TSNARE1: variants seen among roughly 807,000 people sequenced by gnomAD.
The protein encoded by TSNARE1 is t-SNARE domain-containing protein 1.
A neutral mutation model predicts 62.0 loss-of-function variants in TSNARE1; 49 were observed. The observed-to-expected ratio is 0.79, with a 90% confidence interval of 0.63 to 1.00. TSNARE1 has a LOEUF of 1.00. Ranked by LOEUF, TSNARE1 falls within the 50% of genes least tolerant of loss-of-function variation. The pLI is 0.00. For synonymous variants in TSNARE1, 328 were observed against 294.4 expected (o/e 1.11, Z -1.17); for missense variants, 755 against 700.1 (o/e 1.08, Z -0.88).
In TSNARE1 at chr8:142,381,783, C is replaced by T. The variant is rs1043832538; in HGVS notation, c.-40+21321G>A. 8.5e-5 allele frequency among the ~76,000 whole-genome samples: 13 copies of T among 152,338 alleles called. No homozygotes were observed. The East Asian group carries it at 1.9e-3, about 23-fold the overall frequency. ...ACCTGGGCAAGCATCGTCACCTCCC[C>T]GCAGCTCGGCGTCCTGGGCCAGCCC... On this transcript the variant is annotated intron_variant, in intron 1 of 13. Coordinates refer to ENST00000524325, the MANE Select transcript of TSNARE1 (RefSeq NM_145003.5).
chr8:142,291,965 C>T lies in TSNARE1; in HGVS notation c.1291-7480G>A, dbSNP rs973674208. On this transcript the variant is annotated intron_variant, in intron 10 of 13. Coordinates refer to ENST00000524325, the MANE Select transcript of TSNARE1 (RefSeq NM_145003.5). This position sits in a 1 kb window ranked among gnomAD's most constrained non-coding sequence, Gnocchi z 4.8. ...TGGACGGTCACAGCAACGCACGCCCCCCCCGGCCCCCCACCTGTTTCAAGC... is the reference window on the plus strand; with the variant it reads ...TGGACGGTCACAGCAACGCACGCCCTCCCCGGCCCCCCACCTGTTTCAAGC... 1.3e-5 allele frequency among the ~76,000 whole-genome samples: 2 copies of T among 151,860 alleles called. No individual in the cohort carries two copies. The highest frequency in any genetic ancestry group is 2.4e-5 in the African/African-American group (1 of 41,332).
At chr8:142,321,196 G>A (rs1829432870) in intron 6 of TSNARE1, among the ~76,000 whole-genome samples, 2 of 152,266 alleles carry the variant, frequency 1.3e-5, no homozygotes, top group African/African-American at 4.8e-5. Context: ...CTACAGAGGG[G>A]CCACCTTCCA....
At chr8:142,327,236 C>G (rs1396226608) in intron 6 of TSNARE1, among the ~76,000 whole-genome samples, 1 of 152,260 alleles carries the variant, frequency 6.6e-6, no homozygotes, top group African/African-American at 2.4e-5. Context: ...GTGAATGGGT[C>G]TGTCCTTACA....
chr8:142,256,324 ACCATCTTTG>A, intron 12 of TSNARE1, among the ~76,000 whole-genome samples: 3 of 144,054 alleles, frequency 2.1e-5, no homozygotes, highest in Admixed American at 6.9e-5. Flanking sequence ...CACCACCATC[ACCATCTTTG>A]CCACCATCAT....
At chr8:142,230,302 G>A (rs774243268) in intron 12 of TSNARE1, among the ~76,000 whole-genome samples, 1 of 152,220 alleles carries the variant, frequency 6.6e-6, no homozygotes, top group Non-Finnish European at 1.5e-5. Context: ...GAAATGGTAA[G>A]TACCAAGTAT....
intron 10 of TSNARE1, among the ~76,000 whole-genome samples, chr8:142,292,268 G>A (rs765725533): frequency 2.0e-5 from 3 of 152,176 alleles, no homozygotes; most frequent in Non-Finnish European, 4.4e-5. Flanking sequence ...GCTTTGCCCC[G>A]TTGGAAGTTC....
intron 9 of TSNARE1, among the ~76,000 whole-genome samples, chr8:142,309,685 A>G (rs200707290): frequency 6.6e-6 from 1 of 152,212 alleles, no homozygotes; most frequent in Non-Finnish European, 1.5e-5. Flanking sequence ...GTCTATGTTC[A>G]TAACAGAGAC....
At chr8:142,276,522 A>G (rs1320176798) in intron 11 of TSNARE1, 1 of 985,462 alleles carries the variant, frequency 1.0e-6, no homozygotes. Flanking sequence ...GTGAATGTGG[A>G]CAGTGGAGAG....
rs748450158 is a variant in TSNARE1, at chr8:142,395,713, C to T, written c.-40+7391G>A. Among the ~76,000 whole-genome samples, 5 of 152,216 alleles carry T rather than the reference C, an allele frequency of 3.3e-5. No homozygotes were observed. In the South Asian group the frequency reaches 8.3e-4, roughly 25 times the overall value. On this transcript the variant is annotated intron_variant, in intron 1 of 13. Transcript: ENST00000524325. ...TCCCCACTTGCAATTCCGCCTCCTG[C>T]GCCCACTCCCAGCACACCACGCTCA... is the stretch of plus-strand genomic sequence containing the variant.
At chr8:142,273,750 G>A (rs570374059) in intron 12 of TSNARE1, 1 of 985,426 alleles carries the variant, frequency 1.0e-6, no homozygotes, top group East Asian at 1.1e-4. Context: ...GGCAGCCCTG[G>A]CCTTTCCCTC....
At chr8:142,274,340 T>C (rs931412616) in intron 12 of TSNARE1, 1 of 985,304 alleles carries the variant, frequency 1.0e-6, no homozygotes, top group African/African-American at 1.7e-5. Context: ...CAAGTCCCAC[T>C]TCAAGAAAAT....
intron 12 of TSNARE1, among the ~76,000 whole-genome samples, chr8:142,266,774 T>C (rs955970707): frequency 6.6e-6 from 1 of 152,206 alleles, no homozygotes; most frequent in Admixed American, 6.5e-5. Flanking sequence ...ACTGCTTTCC[T>C]CCATTTCACT....
chr8:142,339,133 A>G (rs1832179863), intron 4 of TSNARE1, among the ~76,000 whole-genome samples: 1 of 152,096 alleles, frequency 6.6e-6, no homozygotes, highest in Non-Finnish European at 1.5e-5. Context: ...CACATCCATG[A>G]TGGTGCTTCA....
chr8:142,332,181 G>A (rs1209708496), intron 4 of TSNARE1, among the ~76,000 whole-genome samples: 3 of 152,240 alleles, frequency 2.0e-5, no homozygotes, highest in African/African-American at 7.2e-5. Flanking sequence ...AAGAGTCAAA[G>A]CACAGCCCCG....
At chr8:142,401,035 G>A (rs554233498) in intron 1 of TSNARE1, among the ~76,000 whole-genome samples, 6 of 152,254 alleles carry the variant, frequency 3.9e-5, no homozygotes, top group South Asian at 2.1e-4. Flanking sequence ...GCCGTGTCGC[G>A]AATGGCTTGG....
chr8:142,345,494 A>G (rs1833231298), intron 3 of TSNARE1, among the ~76,000 whole-genome samples: 1 of 152,226 alleles, frequency 6.6e-6, no homozygotes, highest in African/African-American at 2.4e-5. Context: ...ACCCCTGCTC[A>G]GTCCTGAGCC....
At chr8:142,393,003 C>T (rs1345597440) in intron 1 of TSNARE1, among the ~76,000 whole-genome samples, 1 of 151,032 alleles carries the variant, frequency 6.6e-6, no homozygotes, top group African/African-American at 2.4e-5. Context: ...GTGGAGATGA[C>T]GGCTGGGCCG....
chr8:142,376,049 G>C (rs940343683), intron 1 of TSNARE1, among the ~76,000 whole-genome samples: 3 of 152,220 alleles, frequency 2.0e-5, no homozygotes, highest in Non-Finnish European at 4.4e-5. Context: ...CGGAAAACAT[G>C]GTCCCAGCAG....
rs1816324991 is a variant in TSNARE1, at chr8:142,222,210, CCGCT to C, written c.*11+7259_*11+7262del. The stretch of plus-strand genomic sequence containing the variant: ...CTCACTCATTCACTCACTCACTCAT[CCGCT>C]CATTCACTCACTCATCCACTCATTC... On this transcript the variant is annotated intron_variant, in intron 13 of 13. Transcript: ENST00000524325. 2.2e-4 allele frequency among the ~76,000 whole-genome samples: 5 copies of C among 22,380 alleles called. 2 individuals carry two copies. Among genetic ancestry groups the C allele is most frequent in the Non-Finnish European group, 5.0e-4 (5 of 9,936 alleles). 14.7% of individuals were successfully genotyped at this position (22,380 alleles called of 152,430 possible).
Sources: allele counts gnomAD v4.1 joint callset (sites outside exome capture counted in the v4.1 genomes callset), GRCh38; gene constraint gnomAD v4.1.1; non-coding constraint Gnocchi (gnomAD v3.1); transcripts MANE v1.5; gene names NCBI Gene and HGNC (gene_info 2026-07-23, HGNC 2026-07-21).